MRRF: variants seen among roughly 807,000 people sequenced by gnomAD.
MRRF encodes the protein ribosome-recycling factor, mitochondrial.
Under a neutral mutation model 25.1 loss-of-function variants are expected in MRRF, and 18 were observed. That is an observed-to-expected ratio of 0.72 (90% confidence interval 0.50 to 1.06). The LOEUF is 1.06. Ranked by LOEUF, MRRF falls within the 50% of genes least tolerant of loss-of-function variation. MRRF has a pLI of 0.00. For missense variants in MRRF, 323 were observed against 319.3 expected (o/e 1.01, Z -0.09); for synonymous variants, 113 against 112.1 (o/e 1.01, Z -0.05).
At chr9:122,306,682 A>C (rs961260764) in intron 5 of MRRF, among the ~76,000 whole-genome samples, 1 of 152,160 alleles carries the variant, frequency 6.6e-6, no homozygotes, top group Non-Finnish European at 1.5e-5. Flanking sequence ...GCTTTTTCGC[A>C]TGTATGATGG....
chr9:122,326,196 C>T lies in MRRF; in HGVS notation c.*3579C>T, dbSNP rs1005997491. On this transcript the variant is annotated 3_prime_UTR_variant, in exon 7 of 7. Transcript: ENST00000344641. ...AATCTCGGCTCACTGCAACCTCTGCCTCCCTGGTTCAAGCAGTTTTCCCTG... is the reference window on the plus strand; with the variant it reads ...AATCTCGGCTCACTGCAACCTCTGCTTCCCTGGTTCAAGCAGTTTTCCCTG... The T allele has an allele frequency of 1.3e-5, 2 of 151,378 alleles. No individual in the cohort carries two copies. The highest frequency in any genetic ancestry group is 4.9e-5 in the African/African-American group (2 of 41,138). 9.4% of individuals were successfully genotyped at this position (151,378 alleles called of 1,614,324 possible).
chr9:122,320,073 C>G (rs1835794343), intron 6 of MRRF, among the ~76,000 whole-genome samples: 1 of 151,634 alleles, frequency 6.6e-6, no homozygotes, highest in South Asian at 2.1e-4. Flanking sequence ...TGGGGTTTCC[C>G]CATGTTGCCA....
At position 122,323,768 on chromosome 9, in the gene MRRF, G is replaced by A. The variant is rs1052607641; in HGVS notation, c.*1151G>A. The stretch of plus-strand genomic sequence containing the variant: ...TGTGTATTATCTTCATTTACAAATA[G>A]GAAAACTAAGTCTTGACAGTATTAG... On this transcript the variant is annotated 3_prime_UTR_variant, in exon 7 of 7. Transcript: ENST00000344641. 6.6e-6 allele frequency: 1 copy of A among 152,086 alleles called. No individual in the cohort carries two copies. Among genetic ancestry groups the A allele is most frequent in the Admixed American group, 6.5e-5 (1 of 15,268 alleles). 9.4% of individuals were successfully genotyped at this position (152,086 alleles called of 1,614,324 possible). A position where few individuals can be genotyped will look rare whatever the true frequency, so the allele number is the denominator to read the frequency against.
intron 1 of MRRF, among the ~76,000 whole-genome samples, chr9:122,266,015 A>G (rs997437476): frequency 2.5e-4 from 38 of 152,254 alleles, no homozygotes; most frequent in African/African-American, 8.2e-4. Context: ...GGAAGCCCAG[A>G]ACCTACCATA....
At chr9:122,269,739 G>A (rs747470991) in intron 1 of MRRF, among the ~76,000 whole-genome samples, 3 of 151,902 alleles carry the variant, frequency 2.0e-5, no homozygotes, top group African/African-American at 7.3e-5. Context: ...AGATAATAAA[G>A]ATAATATTTT....
Position 122,313,210 on chromosome 9 carries a change from CT to C in MRRF, c.552-13del. 1 of 1,612,910 alleles carries C rather than the reference CT, an allele frequency of 6.2e-7. No homozygotes were observed. Among genetic ancestry groups the C allele is most frequent in the Non-Finnish European group, 8.5e-7 (1 of 1,179,254 alleles). The stretch of plus-strand genomic sequence containing the variant: ...TGTATAGAATGATTTTGTTGAATGT[CT>C]TTTGTCTTTTATCAGAGTAACCAGA... On this transcript the variant is annotated splice_polypyrimidine_tract_variant and intron_variant, in intron 5 of 6. Transcript: ENST00000344641.
At chr9:122,273,486 C>T (rs1588006946) in intron 2 of MRRF, among the ~76,000 whole-genome samples, 1 of 146,566 alleles carries the variant, frequency 6.8e-6, no homozygotes, top group Non-Finnish European at 1.5e-5. Context: ...TTAATCAGTT[C>T]TTTAATCAGG....
At position 122,324,514 on chromosome 9, in the gene MRRF, A is replaced by C; in HGVS notation, c.*1897A>C. The C allele has an allele frequency of 6.6e-6, 1 of 152,342 alleles. No individual in the cohort carries two copies. 9.4% of individuals were successfully genotyped at this position (152,342 alleles called of 1,614,324 possible). On this transcript the variant is annotated 3_prime_UTR_variant, in exon 7 of 7. Transcript: ENST00000344641. ...TCAGGTGCTGAACTATGTACTGGCA[A>C]TACAAAAATGGGAAAGATATGACCC...
At chr9:122,307,287 GA>G (rs1225373077) in intron 5 of MRRF, among the ~76,000 whole-genome samples, 2 of 152,166 alleles carry the variant, frequency 1.3e-5, no homozygotes, top group Non-Finnish European at 2.9e-5. Context: ...GCAATGTCAG[GA>G]ATGTATCTTG....
At chr9:122,300,475 C>T (rs887274561) in intron 5 of MRRF, among the ~76,000 whole-genome samples, 7 of 152,160 alleles carry the variant, frequency 4.6e-5, no homozygotes, top group African/African-American at 1.7e-4. Flanking sequence ...ATGTGAAGCT[C>T]ATAGTGTGAA....
chr9:122,310,956 T>C (rs1250901229), intron 5 of MRRF, among the ~76,000 whole-genome samples: 1 of 152,256 alleles, frequency 6.6e-6, no homozygotes, highest in African/African-American at 2.4e-5. Flanking sequence ...CATGAGGAAG[T>C]AATTAAACAT....
intron 5 of MRRF, among the ~76,000 whole-genome samples, chr9:122,312,185 C>G (rs1356321877): frequency 6.6e-6 from 1 of 152,180 alleles, no homozygotes; most frequent in Admixed American, 6.5e-5. Context: ...TCCCAGTTCT[C>G]TCACTCATGC....
chr9:122,272,104 T>TC (rs1438224728), intron 2 of MRRF, among the ~76,000 whole-genome samples: 1 of 152,244 alleles, frequency 6.6e-6, no homozygotes, highest in Non-Finnish European at 1.5e-5. Flanking sequence ...CTTATAATTA[T>TC]CCATTGAAGG....
intron 6 of MRRF, among the ~76,000 whole-genome samples, chr9:122,313,797 G>T (rs556718684): frequency 1.5e-4 from 23 of 152,304 alleles, no homozygotes; most frequent in African/African-American, 5.5e-4. Flanking sequence ...TTTTCCGGTT[G>T]CTGAGAATTG....
Position 122,326,094 on chromosome 9 carries a change from T to G in MRRF, c.*3477T>G, listed in dbSNP as rs1231956173. 6.7e-6 allele frequency: 1 copy of G among 148,894 alleles called. No individual in the cohort carries two copies. The highest frequency in any genetic ancestry group is 1.5e-5 in the Non-Finnish European group (1 of 67,450). The allele number at this position is 148,894 out of a possible 1,614,324, so 9.2% of individuals were successfully genotyped here. ...GATTACAAGTGTGAGCCACTCTGCC[T>G]GGCCATATATAATTTTTTTTTTTTT... On this transcript the variant is annotated 3_prime_UTR_variant, in exon 7 of 7. Coordinates refer to ENST00000344641, the MANE Select transcript of MRRF (RefSeq NM_138777.5).
rs1164205160 is a variant in MRRF at position 122,331,287 on chromosome 9, TAG to T, written c.*8673_*8674del. Reference sequence around the variant, plus strand: ...AAATTAACGGACTATTACCTATTCTTAGAGCTTTCTCTTTTGTTTTTGGCATT... The same window carrying T: ...AAATTAACGGACTATTACCTATTCTTAGCTTTCTCTTTTGTTTTTGGCATT... On this transcript the variant is annotated 3_prime_UTR_variant, in exon 7 of 7. Coordinates refer to ENST00000344641, the MANE Select transcript of MRRF (RefSeq NM_138777.5). 1 of 152,238 alleles carries T rather than the reference TAG, an allele frequency of 6.6e-6. No individual in the cohort carries two copies. Among genetic ancestry groups the T allele is most frequent in the Non-Finnish European group, 1.5e-5 (1 of 68,038 alleles). 9.4% of individuals were successfully genotyped at this position (152,238 alleles called of 1,614,324 possible). A position where few individuals can be genotyped will look rare whatever the true frequency, so the allele number is the denominator to read the frequency against.
intron 5 of MRRF, among the ~76,000 whole-genome samples, chr9:122,310,304 A>G (rs1172354145): frequency 6.6e-6 from 1 of 152,108 alleles, no homozygotes; most frequent in Non-Finnish European, 1.5e-5. Context: ...GTCTCTTTTT[A>G]TCTGTTTTGC....
At chr9:122,272,607 G>A (rs1049365821) in intron 2 of MRRF, among the ~76,000 whole-genome samples, 1 of 152,164 alleles carries the variant, frequency 6.6e-6, no homozygotes, top group Non-Finnish European at 1.5e-5. Flanking sequence ...TGAGGCTGCA[G>A]AAGTTGGTTG....
chr9:122,304,463 A>C (rs1190988157), intron 5 of MRRF, among the ~76,000 whole-genome samples: 1 of 152,208 alleles, frequency 6.6e-6, no homozygotes, highest in Non-Finnish European at 1.5e-5. Flanking sequence ...ATTGAAACAC[A>C]CAAGGATGTT....
Sources: gnomAD v4.1 joint callset for allele counts (sites outside exome capture counted in the v4.1 genomes callset) on GRCh38, gnomAD v4.1.1 for gene constraint, MANE v1.5 for transcripts, NCBI Gene and HGNC (gene_info 2026-07-23, HGNC 2026-07-21) for gene names.